Variants in GABRE observed in about 807,000 individuals in gnomAD.
GABRE encodes gamma-aminobutyric acid type A receptor subunit epsilon.
Under a neutral mutation model 31.0 loss-of-function variants are expected in GABRE, and 20 were observed. The ratio of observed to expected loss-of-function variants is 0.64; its 90% CI spans 0.45 to 0.94. The LOEUF (loss-of-function observed/expected upper bound fraction) is 0.94. Among genes scored for constraint, GABRE ranks in the 40% least tolerant of loss-of-function variants. The pLI is 0.00. For synonymous variants in GABRE, 155 were observed against 150.6 expected (o/e 1.03, Z -0.21); for missense variants, 420 against 410.7 (o/e 1.02, Z -0.20).
intron 6 of GABRE, chrX:151,956,360 G>A (rs1934168750): frequency 8.4e-6 from 1 of 119,635 alleles, no homozygotes; most frequent in African/African-American, 3.2e-5. Flanking sequence ...GCACATTCAT[G>A]TGATGGCAAA....
Position 151,959,985 on chromosome X carries a change from G to A in GABRE, c.647-9C>T. On this transcript the variant is annotated splice_polypyrimidine_tract_variant and intron_variant, in intron 5 of 8. Transcript: ENST00000370328. ...ATTCTCAGGATAGGAAACTGGAAAG[G>A]AATGTGAGAAAGAGGGTCTTATGAG... 8.3e-7 allele frequency: 1 copy of A among 1,205,491 alleles called. No homozygotes were observed. The highest frequency in any genetic ancestry group is 1.1e-6 in the Non-Finnish European group (1 of 892,738).
rs775166616 is a variant in GABRE, at chrX:151,955,781, A to G, written c.864T>C (p.Ser288=). ...GYVAFQNYVP[S]SVTTMLSWVS... ...CCCAGGAGAGCATCGTGGTCACGGA[A>G]GAAGGGACATAGTTTTGAAAGGCAA... Residue 288 remains serine (S), a synonymous_variant, in exon 7 of 9, where the codon TCT becomes TCC. Transcript: ENST00000370328. 3.3e-5 allele frequency: 40 copies of G among 1,210,584 alleles called. No individual in the cohort carries two copies. The South Asian group carries it at 6.0e-4, about 18-fold the overall frequency.
In GABRE at chrX:151,972,434, T is replaced by C. The variant is rs753174500; in HGVS notation, c.57-2032A>G. 3.4e-4 allele frequency: 256 copies of C among 751,096 alleles called. 2 individuals are homozygous for C. In the African/African-American group the frequency reaches 5.9e-3, roughly 17 times the overall value. 61.9% of individuals were successfully genotyped at this position (751,096 alleles called of 1,213,427 possible). On this transcript the variant is annotated intron_variant, in intron 1 of 8. Transcript: ENST00000370328. ...GAGCCCTGAGACCCTGTAAAATGAGTGATGTGGCTGGAAACGTGGCACAAT... is the reference window on the plus strand; with the variant it reads ...GAGCCCTGAGACCCTGTAAAATGAGCGATGTGGCTGGAAACGTGGCACAAT...
rs769555117 is a variant in GABRE, at chrX:151,959,848, T to C, written c.775A>G (p.Thr259Ala). Residue 259 changes from threonine to alanine, a missense_variant, in exon 6 of 9, where the codon ACC becomes GCC. Coordinates refer to ENST00000370328, the MANE Select transcript of GABRE (RefSeq NM_004961.4). ...GVSNKTEIIT[T>A]PVGDFMVMTI... ...GCCCTGGCACGCTTACCAACTGGGGTTGTGATTATTTCAGTTTTGTTGCTC... is the reference window on the plus strand; with the variant it reads ...GCCCTGGCACGCTTACCAACTGGGGCTGTGATTATTTCAGTTTTGTTGCTC... 8.3e-7 allele frequency: 1 copy of C among 1,210,678 alleles called. No homozygotes were observed. Among genetic ancestry groups the C allele is most frequent in the Admixed American group, 2.2e-5 (1 of 45,972 alleles).
At chrX:151,961,909 C>T (rs928738378) in intron 4 of GABRE, among the ~76,000 whole-genome samples, 2 of 112,170 alleles carry the variant, frequency 1.8e-5, no homozygotes, top group African/African-American at 6.5e-5. Flanking sequence ...ACGTATGGAG[C>T]AACTTCGATC....
At chrX:151,972,152 A>G in intron 1 of GABRE, 1 of 753,414 alleles carries the variant, frequency 1.3e-6, no homozygotes, top group Non-Finnish European at 1.6e-6. Flanking sequence ...CCAACTTAAG[A>G]AGCAAAATGC....
intron 1 of GABRE, among the ~76,000 whole-genome samples, chrX:151,970,982 C>T (rs748349848): frequency 3.6e-5 from 4 of 112,147 alleles, no homozygotes; most frequent in Admixed American, 1.9e-4. Context: ...GGCAGGAGTC[C>T]TCCACCCACA....
rs1934077953 is a variant in GABRE, at chrX:151,954,669, G to A, written c.*32C>T. On this transcript the variant is annotated 3_prime_UTR_variant, in exon 9 of 9. Coordinates refer to ENST00000370328, the MANE Select transcript of GABRE (RefSeq NM_004961.4). ...GGGGCTTGGACCTCCTGGGGAACTG[G>A]AGAGGTTGCCCCACAGGGTACCAGC... 9.1e-7 allele frequency: 1 copy of A among 1,104,180 alleles called. No homozygotes were observed. Among genetic ancestry groups the A allele is most frequent in the Non-Finnish European group, 1.2e-6 (1 of 822,538 alleles). 91.0% of individuals were successfully genotyped at this position (1,104,180 alleles called of 1,213,427 possible). A position where few individuals can be genotyped will look rare whatever the true frequency, so the allele number is the denominator to read the frequency against.
intron 5 of GABRE, 91 bp downstream of exon 5, chrX:151,961,192 A>G: frequency 1.6e-6 from 1 of 608,700 alleles, no homozygotes; most frequent in South Asian, 2.6e-5. Context: ...TTAGAAGAAA[A>G]GCAGAGGCAG....
intron 6 of GABRE, 68 bp from the exon 7 acceptor site, chrX:151,955,928 A>G: frequency 9.5e-7 from 1 of 1,056,074 alleles, no homozygotes; most frequent in Non-Finnish European, 1.3e-6. Context: ...CAGGACGTGA[A>G]CAGTAAGGGT....
At chrX:151,970,042 A>G (rs1173976309) in intron 2 of GABRE, 143 bp downstream of exon 2, 20 of 1,111,223 alleles carry the variant, frequency 1.8e-5, no homozygotes, top group East Asian at 3.2e-5. Flanking sequence ...AATAGAGTTA[A>G]TATCTCTTAC....
intron 1 of GABRE, among the ~76,000 whole-genome samples, chrX:151,970,815 G>T (rs1934672075): frequency 8.9e-6 from 1 of 112,351 alleles, no homozygotes; most frequent in Admixed American, 9.4e-5. Flanking sequence ...AGGAATGCTT[G>T]CGAAAGCCAG....
intron 4 of GABRE, among the ~76,000 whole-genome samples, 160 bp from the exon 5 acceptor site, chrX:151,961,525 G>A (rs1934372086): frequency 9.0e-6 from 1 of 111,398 alleles, no homozygotes; most frequent in Non-Finnish European, 1.9e-5. Flanking sequence ...GAGGGCAGTG[G>A]CGTGATGTCA....
chrX:151,966,937 T>A (rs1287273316), intron 3 of GABRE, among the ~76,000 whole-genome samples: 1 of 111,948 alleles, frequency 8.9e-6, no homozygotes, highest in Non-Finnish European at 1.9e-5. Flanking sequence ...GCTGGCAGCA[T>A]GAATAGCCAT....
At chrX:151,962,306 T>C in intron 4 of GABRE, 117 bp downstream of exon 4, 1 of 623,220 alleles carries the variant, frequency 1.6e-6, no homozygotes, top group South Asian at 2.5e-5. Flanking sequence ...CTAGGAAAGC[T>C]GGACAGGCCC....
At chrX:151,963,151 C>A (rs1934433002) in intron 3 of GABRE, among the ~76,000 whole-genome samples, 1 of 112,085 alleles carries the variant, frequency 8.9e-6, no homozygotes, top group Admixed American at 9.4e-5. Flanking sequence ...GTGCACCTTA[C>A]AATTGACACA....
At position 151,969,749 on chromosome X, in the gene GABRE, C is replaced by G. The variant is rs1446337350; in HGVS notation, c.275-13G>C. The stretch of plus-strand genomic sequence containing the variant: ...ACAGTGGGCTTCTCTATAAGGGAAG[C>G]AGAAGCAGCAGAGGGTAAGTGTCAA... On this transcript the variant is annotated splice_polypyrimidine_tract_variant and intron_variant, in intron 2 of 8. Coordinates refer to ENST00000370328, the MANE Select transcript of GABRE (RefSeq NM_004961.4). 8.3e-7 allele frequency: 1 copy of G among 1,205,194 alleles called. No homozygotes were observed. The highest frequency in any genetic ancestry group is 1.8e-5 in the African/African-American group (1 of 56,918).
At chrX:151,969,936 G>T in intron 2 of GABRE, 200 bp from the exon 3 acceptor site, 2 of 1,070,984 alleles carry the variant, frequency 1.9e-6, no homozygotes, top group Non-Finnish European at 2.4e-6. Flanking sequence ...ACATCTTGAA[G>T]ATCAACAATC....
chrX:151,962,813 T>C (rs1407463214), intron 3 of GABRE, among the ~76,000 whole-genome samples, 170 bp from the exon 4 acceptor site: 1 of 111,502 alleles, frequency 9.0e-6, no homozygotes, highest in Non-Finnish European at 1.9e-5. Flanking sequence ...TTCTCTCTGC[T>C]CAAAGACTCT....
Sources: allele counts gnomAD v4.1 joint callset (sites outside exome capture counted in the v4.1 genomes callset), GRCh38; gene constraint gnomAD v4.1.1; transcripts MANE v1.5; gene names NCBI Gene and HGNC (gene_info 2026-07-23, HGNC 2026-07-21).